Variants in AMDHD1 observed in about 807,000 individuals in gnomAD.
The protein encoded by AMDHD1 is amidohydrolase domain containing 1.
AMDHD1 carries 45 observed loss-of-function variants against 44.1 expected under a neutral mutation model. That is an observed-to-expected ratio of 1.02 (90% CI 0.80 to 1.31). The LOEUF is 1.31. Ranked by LOEUF, AMDHD1 falls within the 50% of genes most tolerant of loss-of-function variation. AMDHD1 has a pLI of 0.00. For synonymous variants in AMDHD1, 206 were observed against 205.0 expected, an observed-to-expected ratio of 1.00 and a Z score of -0.04; for missense variants, 586 against 552.1, an observed-to-expected ratio of 1.06 and a Z score of -0.61.
At position 95,944,327 on chromosome 12, in the gene AMDHD1, TTTTATTTATTTATTTA is replaced by T. The variant is rs34358106; in HGVS notation, c.137+824_137+839del. On this transcript the variant is annotated intron_variant, in intron 1 of 8. Coordinates refer to ENST00000266736, the MANE Select transcript of AMDHD1 (RefSeq NM_152435.3). The stretch of plus-strand genomic sequence containing the variant: ...TTTAAGGGACTGTGGGTTGGTTTAA[TTTTATTTATTTATTTA>T]TTTATTTATTTATTTATTTATTTAT... Among the ~76,000 whole-genome samples the T allele has an allele frequency of 1.6e-4, 23 of 141,642 alleles. No individual in the cohort carries two copies. In the South Asian group the frequency reaches 1.9e-3, roughly 11 times the overall value. The allele number at this position is 141,642 out of a possible 152,430, so 92.9% of individuals were successfully genotyped here. A position where few individuals can be genotyped will look rare whatever the true frequency, so the allele number is the denominator to read the frequency against.
chr12:95,957,461 A>G (rs943458464), intron 4 of AMDHD1, among the ~76,000 whole-genome samples: 1 of 152,122 alleles, frequency 6.6e-6, no homozygotes, highest in Non-Finnish European at 1.5e-5. Flanking sequence ...TTCCTCCTAC[A>G]TGGCCTTACT....
chr12:95,950,091 T>C (rs1326515907), intron 1 of AMDHD1, among the ~76,000 whole-genome samples: 1 of 152,234 alleles, frequency 6.6e-6, no homozygotes, highest in East Asian at 1.9e-4. Flanking sequence ...ACTCTTTGCA[T>C]AAGAGCATTC....
At chr12:95,948,153 G>A (rs2080508158) in intron 1 of AMDHD1, among the ~76,000 whole-genome samples, 3 of 101,760 alleles carry the variant, frequency 2.9e-5, no homozygotes, top group African/African-American at 8.0e-5. Context: ...CGCCCCGTCC[G>A]GGAGGGAGGT....
chr12:95,954,726 A>C (rs2080541726), intron 2 of AMDHD1, among the ~76,000 whole-genome samples, 185 bp from the exon 3 acceptor site: 1 of 152,214 alleles, frequency 6.6e-6, no homozygotes, highest in Admixed American at 6.5e-5. Flanking sequence ...ACCATACAAC[A>C]GGGCAGTCTT....
At chr12:95,952,867 A>G in intron 2 of AMDHD1, 44 bp downstream of exon 2, 1 of 1,164,014 alleles carries the variant, frequency 8.6e-7, no homozygotes, top group Non-Finnish European at 1.3e-6. Flanking sequence ...TAGCTTTAAC[A>G]GTTGCTCCTG....
In AMDHD1 at chr12:95,956,868, A is replaced by T. The variant is rs775212542; in HGVS notation, c.493A>T (p.Thr165Ser). The change falls in exon 4 of 9, where the codon ACC becomes TCC. Residue 165 changes from threonine (T) to serine (S), a missense_variant. By Grantham distance (58) the Thr-to-Ser change is moderately conservative. Coordinates refer to ENST00000266736, the MANE Select transcript of AMDHD1 (RefSeq NM_152435.3). ...GAGTGGATATGGCCTCGACCTGGAGACCGAGCTCAAGATGCTGCGCGTGAT... is the reference window on the plus strand; with the variant it reads ...GAGTGGATATGGCCTCGACCTGGAGTCCGAGCTCAAGATGCTGCGCGTGAT... ...CKSGYGLDLE[T>S]ELKMLRVIER... The T allele has an allele frequency of 6.2e-7, 1 of 1,614,144 alleles. No individual in the cohort carries two copies. The highest frequency in any genetic ancestry group is 8.5e-7 in the Non-Finnish European group (1 of 1,180,050).
In AMDHD1 at chr12:95,968,491, CAT is replaced by C. The variant is rs1287168650; in HGVS notation, c.*649_*650del. Reference sequence around the variant, plus strand: ...TGGGTGCATTTTTACCAACTACAATCATGTAATTTTTTTGGAAATTTTTTAAA... The same window carrying C: ...TGGGTGCATTTTTACCAACTACAATCGTAATTTTTTTGGAAATTTTTTAAA... On this transcript the variant is annotated 3_prime_UTR_variant, in exon 9 of 9. Transcript: ENST00000266736. The C allele has an allele frequency of 1.2e-4, 18 of 152,154 alleles. No individual in the cohort carries two copies. Among genetic ancestry groups the C allele is most frequent in the Admixed American group, 1.2e-3 (18 of 15,276 alleles). 9.4% of individuals were successfully genotyped at this position (152,154 alleles called of 1,614,324 possible).
At chr12:95,967,304 A>G (rs574340415) in intron 8 of AMDHD1, among the ~76,000 whole-genome samples, 14 of 152,250 alleles carry the variant, frequency 9.2e-5, no homozygotes, top group Non-Finnish European at 1.8e-4. Context: ...GGAAGCTACA[A>G]TTCAAAATGA....
At chr12:95,949,160 G>T (rs201238207) in intron 1 of AMDHD1, among the ~76,000 whole-genome samples, 15 of 101,884 alleles carry the variant, frequency 1.5e-4, no homozygotes, top group East Asian at 2.1e-4. Context: ...AAAAAAAAAA[G>T]AAAAAAAAAA....
chr12:95,965,319 A>T (rs2080604671), intron 6 of AMDHD1, among the ~76,000 whole-genome samples: 2 of 146,540 alleles, frequency 1.4e-5, no homozygotes, highest in South Asian at 4.3e-4. Flanking sequence ...AAAAAAAAAA[A>T]AGCATAGTGT....
At chr12:95,958,515 T>C (rs1592824509) in intron 4 of AMDHD1, among the ~76,000 whole-genome samples, 1 of 152,114 alleles carries the variant, frequency 6.6e-6, no homozygotes, top group East Asian at 1.9e-4. Flanking sequence ...TAGAAAACAG[T>C]AGATTTTTTT....
intron 8 of AMDHD1, 23 bp from the exon 9 acceptor site, chr12:95,967,733 G>A (rs759915956): frequency 4.1e-6 from 5 of 1,229,992 alleles, no homozygotes; most frequent in African/African-American, 4.7e-5. Flanking sequence ...AGTAATATTT[G>A]TTGTTTTTTT....
At chr12:95,961,728 A>G (rs1322131749) in intron 5 of AMDHD1, among the ~76,000 whole-genome samples, 2 of 152,172 alleles carry the variant, frequency 1.3e-5, no homozygotes, top group Middle Eastern at 3.2e-3. Context: ...GCAAACACCA[A>G]TTCCTCCCAA....
Position 95,966,342 on chromosome 12 carries a change from C to A in AMDHD1, c.1033-6C>A, listed in dbSNP as rs1209353448. 6.2e-7 allele frequency: 1 copy of A among 1,613,820 alleles called. No homozygotes were observed. The highest frequency in any genetic ancestry group is 8.5e-7 in the Non-Finnish European group (1 of 1,179,828). On this transcript the variant is annotated splice_polypyrimidine_tract_variant and splice_region_variant and intron_variant, in intron 7 of 8. Coordinates refer to ENST00000266736, the MANE Select transcript of AMDHD1 (RefSeq NM_152435.3). ...TTCCTCCAACACTTTTCTCTTCCTG[C>A]CTTAGCCAATGGTCATGCATCTGGC...
At position 95,960,387 on chromosome 12, in the gene AMDHD1, T is replaced by G; in HGVS notation, c.588-11T>G. 1 of 1,612,040 alleles carries G rather than the reference T, an allele frequency of 6.2e-7. No individual in the cohort carries two copies. The highest frequency in any genetic ancestry group is 8.5e-7 in the Non-Finnish European group (1 of 1,179,080). On this transcript the variant is annotated splice_polypyrimidine_tract_variant and intron_variant, in intron 4 of 8. Coordinates refer to ENST00000266736, the MANE Select transcript of AMDHD1 (RefSeq NM_152435.3). ...AATATTTGCCCATGGCAATCTCATT[T>G]TCTTCCCCAGAGGAAAAACTGCTAC...
intron 3 of AMDHD1, among the ~76,000 whole-genome samples, chr12:95,956,192 T>A (rs1411876727): frequency 2.0e-5 from 3 of 152,200 alleles, no homozygotes; most frequent in Non-Finnish European, 4.4e-5. Flanking sequence ...CCCTGCAACC[T>A]CCGCCTCCCG....
At chr12:95,948,218 G>T (rs2080508850) in intron 1 of AMDHD1, among the ~76,000 whole-genome samples, 2 of 133,462 alleles carry the variant, frequency 1.5e-5, no homozygotes, top group South Asian at 2.4e-4. Context: ...GAGGTGGGGG[G>T]GTCAGCCCCC....
rs1270352654 is a variant in AMDHD1, at chr12:95,960,491, C to A, written c.681C>A (p.Asp227Glu). ...ELGRNGEIHVDNIDVFCEKGV... is the reference protein window; with the variant it reads ...ELGRNGEIHVENIDVFCEKGV... ...GCAGAAATGGGGAAATACACGTGGA[C>A]AATATAGACGTATTTTGTGAGAAAG... The change falls in exon 5 of 9, where the codon GAC (aspartate) becomes GAA (glutamate). Residue 227 changes from aspartate to glutamate, a missense_variant. Asp to Glu is a conservative substitution (Grantham distance 45). Coordinates refer to ENST00000266736, the MANE Select transcript of AMDHD1 (RefSeq NM_152435.3). The A allele has an allele frequency of 2.9e-5, 47 of 1,614,092 alleles. No individual in the cohort carries two copies. In the Admixed American group the frequency reaches 7.8e-4, roughly 27 times the overall value.
chr12:95,967,004 C>T (rs902030321), intron 8 of AMDHD1, among the ~76,000 whole-genome samples: 2 of 152,170 alleles, frequency 1.3e-5, no homozygotes. Context: ...TCTGTTATCA[C>T]ACTGCTAATA....
Sources: allele counts gnomAD v4.1 joint callset (sites outside exome capture counted in the v4.1 genomes callset), GRCh38; gene constraint gnomAD v4.1.1; transcripts MANE v1.5; gene names NCBI Gene and HGNC (gene_info 2026-07-23, HGNC 2026-07-21).